EXOC6B: variants seen among roughly 807,000 people sequenced by gnomAD.
The protein encoded by EXOC6B is SEC15 homolog B.
In EXOC6B, 54 loss-of-function variants were observed where a neutral mutation model predicts 113.5. The observed-to-expected ratio is 0.48, with a 90% CI of 0.38 to 0.60. The LOEUF is 0.60. Among genes scored for constraint, EXOC6B ranks in the 20% least tolerant of loss-of-function variants. EXOC6B has a pLI of 0.00. For missense variants in EXOC6B, 797 were observed against 977.5 expected (o/e 0.82, Z 2.46); for synonymous variants, 357 against 339.0 (o/e 1.05, Z -0.58).
chr2:72,667,483 G>T (rs1675474990), intron 6 of EXOC6B, among the ~76,000 whole-genome samples: 1 of 152,130 alleles, frequency 6.6e-6, no homozygotes, highest in African/African-American at 2.4e-5. Flanking sequence ...TATACTATAA[G>T]ACTACAGTAA....
At chr2:72,700,086 G>A (rs1678201443) in intron 6 of EXOC6B, among the ~76,000 whole-genome samples, 1 of 152,006 alleles carries the variant, frequency 6.6e-6, no homozygotes. Flanking sequence ...GCAAATAGTT[G>A]TTATACTATA....
chr2:72,801,077 T>C (rs528954984), intron 1 of EXOC6B, among the ~76,000 whole-genome samples: 1 of 152,332 alleles, frequency 6.6e-6, no homozygotes, highest in African/African-American at 2.4e-5. Context: ...TTGGTAGAAC[T>C]GTGACAGATA....
chr2:72,519,442 A>G (rs1337504630), intron 8 of EXOC6B, among the ~76,000 whole-genome samples: 1 of 152,192 alleles, frequency 6.6e-6, no homozygotes, highest in Non-Finnish European at 1.5e-5. Flanking sequence ...GTGAAAACCA[A>G]CATGGTAGAT....
At chr2:72,194,443 G>C (rs1158582203) in intron 20 of EXOC6B, among the ~76,000 whole-genome samples, 1 of 152,170 alleles carries the variant, frequency 6.6e-6, no homozygotes, top group Non-Finnish European at 1.5e-5. Context: ...GGGGAATCTA[G>C]TAAGTGACTT....
chr2:72,226,636 T>TA (rs1409790624), intron 20 of EXOC6B, among the ~76,000 whole-genome samples: 2 of 152,228 alleles, frequency 1.3e-5, no homozygotes, highest in Non-Finnish European at 2.9e-5. Context: ...TTTAAAAATC[T>TA]AGGTTTACTT....
At chr2:72,297,601 G>T (rs1226007945) in intron 20 of EXOC6B, among the ~76,000 whole-genome samples, 3 of 152,240 alleles carry the variant, frequency 2.0e-5, no homozygotes, top group Admixed American at 1.3e-4. Flanking sequence ...TGATGTTAGG[G>T]TGTCAATTTT....
At chr2:72,652,079 A>AT (rs1186296578) in intron 6 of EXOC6B, among the ~76,000 whole-genome samples, 2 of 152,112 alleles carry the variant, frequency 1.3e-5, no homozygotes, top group African/African-American at 4.8e-5. Context: ...AAATTAGTCA[A>AT]TATTTTTACT....
chr2:72,808,782 A>G (rs1685719070), intron 1 of EXOC6B, among the ~76,000 whole-genome samples: 1 of 152,096 alleles, frequency 6.6e-6, no homozygotes, highest in African/African-American at 2.4e-5. Flanking sequence ...ATCCTATCTC[A>G]AAAAACACAG....
chr2:72,625,923 C>A (rs895370843), intron 6 of EXOC6B, among the ~76,000 whole-genome samples: 1 of 152,130 alleles, frequency 6.6e-6, no homozygotes, highest in Non-Finnish European at 1.5e-5. Context: ...TACATGGTTT[C>A]AAAGAGACTA....
At chr2:72,282,401 G>C (rs1032605426) in intron 20 of EXOC6B, among the ~76,000 whole-genome samples, 2 of 151,430 alleles carry the variant, frequency 1.3e-5, no homozygotes, top group Non-Finnish European at 2.9e-5. Context: ...AGGATAACCA[G>C]TAAAAGGATA....
chr2:72,773,342 T>C (rs943778352), intron 1 of EXOC6B, among the ~76,000 whole-genome samples: 3 of 151,140 alleles, frequency 2.0e-5, no homozygotes, highest in African/African-American at 7.3e-5. Context: ...GTTGCTCAGG[T>C]TGGTCAGGAA....
intron 8 of EXOC6B, among the ~76,000 whole-genome samples, chr2:72,548,564 A>G (rs948967311): frequency 2.0e-5 from 3 of 152,148 alleles, no homozygotes; most frequent in Admixed American, 6.5e-5. Context: ...TTTCCCTCAT[A>G]TAGGTCCCAG....
At chr2:72,694,874 A>G (rs1677755583) in intron 6 of EXOC6B, among the ~76,000 whole-genome samples, 1 of 152,174 alleles carries the variant, frequency 6.6e-6, no homozygotes, top group Non-Finnish European at 1.5e-5. Flanking sequence ...GACTCTGCCA[A>G]TTCACCCTGG....
At chr2:72,274,242 A>G (rs1237769208) in intron 20 of EXOC6B, among the ~76,000 whole-genome samples, 1 of 152,186 alleles carries the variant, frequency 6.6e-6, no homozygotes, top group Non-Finnish European at 1.5e-5. Flanking sequence ...ACACAGAAAT[A>G]TAACACAGAA....
At chr2:72,519,821 G>A (rs1701396626) in intron 8 of EXOC6B, among the ~76,000 whole-genome samples, 1 of 152,188 alleles carries the variant, frequency 6.6e-6, no homozygotes, top group Non-Finnish European at 1.5e-5. Flanking sequence ...TATAGCTTAA[G>A]AGAATCATAA....
chr2:72,684,018 G>A (rs10469964), intron 6 of EXOC6B, among the ~76,000 whole-genome samples: 7,224 of 152,064 alleles, frequency 0.048, 558 homozygotes, highest in African/African-American at 0.16. Context: ...TGCAACCTCC[G>A]CTTCCCGGGT....
chr2:72,288,285 A>G (rs1056867303), intron 20 of EXOC6B, among the ~76,000 whole-genome samples: 23 of 152,188 alleles, frequency 1.5e-4, no homozygotes, highest in African/African-American at 4.3e-4. Flanking sequence ...CATAGATTCC[A>G]TGACATACAT....
intron 18 of EXOC6B, among the ~76,000 whole-genome samples, chr2:72,441,111 G>T (rs577917262): frequency 9.2e-5 from 14 of 152,246 alleles, no homozygotes; most frequent in Non-Finnish European, 1.9e-4. Context: ...CTCTTGTAAG[G>T]CAGATAAGGT....
At chr2:72,622,433 G>A (rs1051997389) in intron 6 of EXOC6B, among the ~76,000 whole-genome samples, 11 of 152,164 alleles carry the variant, frequency 7.2e-5, no homozygotes, top group African/African-American at 2.4e-4. Context: ...AGCTATCCAG[G>A]CTGGGCACGG....
Sources: allele counts gnomAD v4.1 joint callset (sites outside exome capture counted in the v4.1 genomes callset), GRCh38; gene constraint gnomAD v4.1.1; transcripts MANE v1.5; gene names NCBI Gene and HGNC (gene_info 2026-07-23, HGNC 2026-07-21).